The following TRIP11 variants were observed in gnomAD, a reference collection of about 807,000 sequenced individuals.
TRIP11 encodes the protein thyroid receptor-interacting protein 11.
TRIP11 carries 148 observed loss-of-function variants against 223.1 expected under a neutral mutation model. The ratio of observed to expected loss-of-function variants is 0.66; its 90% CI spans 0.58 to 0.76. The LOEUF (loss-of-function observed/expected upper bound fraction) is 0.76. Ranked by LOEUF, TRIP11 falls within the 30% of genes least tolerant of loss-of-function variation. TRIP11 has a pLI of 0.00. For missense variants in TRIP11, 2,043 were observed against 2,222.0 expected (o/e 0.92, Z 1.62); for synonymous variants, 762 against 772.6 (o/e 0.99, Z 0.23).
chr14:92,004,871 T>G lies in TRIP11; in HGVS notation c.3105A>C (p.Leu1035=). 6.2e-7 allele frequency: 1 copy of G among 1,613,856 alleles called. No individual in the cohort carries two copies. Among genetic ancestry groups the G allele is most frequent in the East Asian group, 2.2e-5 (1 of 44,854 alleles). ...IKERELEIKL[L]NEKNISLTKQ... ...TAGTTAAAGATATATTCTTTTCATT[T>G]AGAAGTTTAATCTCCAGTTCTCGCT... Residue 1035 remains leucine, a synonymous_variant, in exon 11 of 21, where the codon CTA becomes CTC. Coordinates refer to ENST00000267622, the MANE Select transcript of TRIP11 (RefSeq NM_004239.4).
chr14:92,033,052 C>A (rs2057286018), intron 2 of TRIP11, 140 bp downstream of exon 2: 1 of 664,618 alleles, frequency 1.5e-6, no homozygotes, highest in South Asian at 1.8e-5. Context: ...TTGATAAAAG[C>A]TCAAAAAACA....
rs1186640309 is a variant in TRIP11 at position 92,011,058 on chromosome 14, A to G, written c.1242T>C (p.Ala414=). The change falls in exon 9 of 21, where the codon GCT becomes GCC. Residue 414 remains alanine (A), a synonymous_variant. Coordinates refer to ENST00000267622, the MANE Select transcript of TRIP11 (RefSeq NM_004239.4). ...GCATTTTAAGTTTCAGATTGTCTTCAGCAAGACTGTTATCCTACAAAAATG... is the reference window on the plus strand; with the variant it reads ...GCATTTTAAGTTTCAGATTGTCTTCGGCAAGACTGTTATCCTACAAAAATG... The part of the protein sequence containing the change: ...LSSLNQDNSL[A]EDNLKLKMRI... The G allele has an allele frequency of 6.2e-7, 1 of 1,614,036 alleles. No homozygotes were observed. The highest frequency in any genetic ancestry group is 8.5e-7 in the Non-Finnish European group (1 of 1,179,958).
rs2056354319 is a variant in TRIP11 at position 91,967,665 on chromosome 14, ATC to A, written c.*2006_*2007del. ...CATACTACTTAAATACCAACCATGC[ATC>A]TCTTTTTCAAATTAAAAGAGAAAAC... On this transcript the variant is annotated 3_prime_UTR_variant, in exon 21 of 21. Coordinates refer to ENST00000267622, the MANE Select transcript of TRIP11 (RefSeq NM_004239.4). 5.1e-6 allele frequency: 1 copy of A among 195,108 alleles called. No individual in the cohort carries two copies. The highest frequency in any genetic ancestry group is 2.3e-5 in the African/African-American group (1 of 43,194). 12.1% of individuals were successfully genotyped at this position (195,108 alleles called of 1,614,324 possible). A position where few individuals can be genotyped will look rare whatever the true frequency, so the allele number is the denominator to read the frequency against.
In TRIP11 at chr14:92,003,906, T is replaced by C. The variant is rs770606192; in HGVS notation, c.4070A>G (p.Gln1357Arg). The change falls in exon 11 of 21, where the codon CAG becomes CGG. Residue 1357 changes from glutamine to arginine, a missense_variant. By Grantham distance (43) the Gln-to-Arg change is conservative. Coordinates refer to ENST00000267622, the MANE Select transcript of TRIP11 (RefSeq NM_004239.4). ...QELEELRKSL[Q>R]EKDATIRTLQ... ...AGTTCTAATTGTTGCATCTTTTTCC[T>C]GTAGTGATTTTCTTAGCTCTTCTAA... 1.2e-6 allele frequency: 2 copies of C among 1,614,010 alleles called. No homozygotes were observed. Among genetic ancestry groups the C allele is most frequent in the East Asian group, 4.5e-5 (2 of 44,896 alleles).
chr14:92,014,905 A>AT (rs34892628), intron 6 of TRIP11, among the ~76,000 whole-genome samples: 58,393 of 142,502 alleles, frequency 0.41, 12,828 homozygotes, highest in African/African-American at 0.58. Context: ...TTTTCACAGA[A>AT]TTTTTTTTTT....
intron 16 of TRIP11, among the ~76,000 whole-genome samples, chr14:91,987,961 C>T (rs779945465): frequency 1.2e-4 from 19 of 152,176 alleles, no homozygotes; most frequent in African/African-American, 1.9e-4. Flanking sequence ...GCAAGATGCA[C>T]GTGAACTGAT....
At chr14:92,001,537 T>C (rs1232457109) in intron 11 of TRIP11, among the ~76,000 whole-genome samples, 3 of 152,196 alleles carry the variant, frequency 2.0e-5, no homozygotes, top group African/African-American at 4.8e-5. Context: ...ATACAGAGTA[T>C]TGGAAGAAAT....
Position 92,004,950 on chromosome 14 carries a change from T to C in TRIP11, c.3026A>G (p.Glu1009Gly). Residue 1009 changes from glutamate to glycine, a missense_variant, in exon 11 of 21, where the codon GAA (glutamate) becomes GGA (glycine). By Grantham distance (98) the Glu-to-Gly change is moderately conservative. Coordinates refer to ENST00000267622, the MANE Select transcript of TRIP11 (RefSeq NM_004239.4). ...VQSLNIENGS[E>G]KHDLSKAETE... ...TTCAGCTTTAGATAAATCATGCTTT[T>C]CACTTCCATTTTCTATATTAAGGCT... The C allele has an allele frequency of 1.9e-6, 3 of 1,613,938 alleles. No homozygotes were observed. The highest frequency in any genetic ancestry group is 2.5e-6 in the Non-Finnish European group (3 of 1,180,008).
intron 9 of TRIP11, 127 bp downstream of exon 9, chr14:92,010,859 T>G: frequency 4.4e-6 from 4 of 903,972 alleles, no homozygotes; most frequent in Non-Finnish European, 7.3e-6. Flanking sequence ...AAAGCATCAG[T>G]GAGATCAGCT....
rs7140626 is a variant in TRIP11 at position 92,020,479 on chromosome 14, T to C, written c.588+1077A>G. ...GTTTATCATATTTTATAATATCAAT[T>C]ACCAGATTTTCATTTTACATGTAAC... is the stretch of plus-strand genomic sequence containing the variant. On this transcript the variant is annotated intron_variant, in intron 4 of 20. Transcript: ENST00000267622. Among the ~76,000 whole-genome samples the C allele has an allele frequency of 7.4e-3, 1,133 of 152,206 alleles. 17 individuals carry two copies. Among genetic ancestry groups the C allele is most frequent in the African/African-American group, 0.026 (1,062 of 41,524 alleles).
At position 92,005,585 on chromosome 14, in the gene TRIP11, T is replaced by C. The variant is rs750316685; in HGVS notation, c.2391A>G (p.Ser797=). Reference sequence around the variant, plus strand: ...ACTGCTTCTGCTCTTCTAAACTAGATGACAAAACGTCCTTAGTTTCTTTAT... The same window carrying C: ...ACTGCTTCTGCTCTTCTAAACTAGACGACAAAACGTCCTTAGTTTCTTTAT... ...TDHKETKDVL[S]SSLEEQKQLT... The change falls in exon 11 of 21, where the codon TCA becomes TCG. Residue 797 remains serine, a synonymous_variant. Coordinates refer to ENST00000267622, the MANE Select transcript of TRIP11 (RefSeq NM_004239.4). The C allele has an allele frequency of 1.2e-5, 19 of 1,613,428 alleles. No individual in the cohort carries two copies. Among genetic ancestry groups the C allele is most frequent in the African/African-American group, 2.7e-5 (2 of 74,936 alleles).
chr14:91,977,347 C>T (rs1033072004), intron 16 of TRIP11: 3 of 375,810 alleles, frequency 8.0e-6, no homozygotes, highest in African/African-American at 6.5e-5. Flanking sequence ...CTATACCTAA[C>T]CCAACACCTG....
chr14:92,004,737 T>C lies in TRIP11; in HGVS notation c.3239A>G (p.His1080Arg). ...TTGAAGGTAAACAACATCTTGAGTA[T>C]GGGAAGTTGAAGAAATTCTAGCATG... is the stretch of plus-strand genomic sequence containing the variant. Reference protein sequence around the residue: ...ALHARISSTSHTQDVVYLQQQ... With the variant: ...ALHARISSTSRTQDVVYLQQQ... Residue 1080 changes from histidine to arginine, a missense_variant, in exon 11 of 21, where the codon CAT becomes CGT. Physicochemically the swap from His to Arg is conservative, Grantham distance 29. Coordinates refer to ENST00000267622, the MANE Select transcript of TRIP11 (RefSeq NM_004239.4). 1 of 1,614,166 alleles carries C rather than the reference T, an allele frequency of 6.2e-7. No homozygotes were observed. The highest frequency in any genetic ancestry group is 8.5e-7 in the Non-Finnish European group (1 of 1,180,014).
chr14:92,030,086 A>G (rs2057244453), intron 2 of TRIP11, among the ~76,000 whole-genome samples: 1 of 150,796 alleles, frequency 6.6e-6, no homozygotes, highest in Non-Finnish European at 1.5e-5. Flanking sequence ...AGTCCCAGCT[A>G]CTTGGGAGGC....
At chr14:92,002,001 T>G (rs146057367) in intron 11 of TRIP11, among the ~76,000 whole-genome samples, 456 of 152,310 alleles carry the variant, frequency 3.0e-3, no homozygotes, top group Non-Finnish European at 5.2e-3. Context: ...CAAATGAAGT[T>G]GAATCACTTT....
chr14:91,986,486 G>A (rs2056605672), intron 16 of TRIP11, among the ~76,000 whole-genome samples: 1 of 152,130 alleles, frequency 6.6e-6, no homozygotes, highest in Admixed American at 6.5e-5. Context: ...GAGCATTTCA[G>A]ACTTTGGATT....
Position 91,999,220 on chromosome 14 carries a change from C to CA in TRIP11, c.4892+19dup, listed in dbSNP as rs1408575179. 23 of 1,610,102 alleles carry CA rather than the reference C, an allele frequency of 1.4e-5. No homozygotes were observed. The highest frequency in any genetic ancestry group is 1.8e-5 in the Non-Finnish European group (21 of 1,179,340). On this transcript the variant is annotated intron_variant, in intron 13 of 20. Coordinates refer to ENST00000267622, the MANE Select transcript of TRIP11 (RefSeq NM_004239.4). ...AAGAAGTGTTCAGTTAAAGTTAATG[C>CA]AAAAAAATGAAAAAATTACCTTGCA... is the stretch of plus-strand genomic sequence containing the variant.
chr14:91,977,248 T>C (rs901674009), intron 16 of TRIP11: 1 of 454,202 alleles, frequency 2.2e-6, no homozygotes, highest in Admixed American at 2.4e-5. Flanking sequence ...CTTGATGATA[T>C]CTTTTGAAAC....
rs759092696 is a variant in TRIP11, at chr14:91,972,819, G to A, written c.5617C>T (p.His1873Tyr). 6 of 1,612,956 alleles carry A rather than the reference G, an allele frequency of 3.7e-6. No homozygotes were observed. Among genetic ancestry groups the A allele is most frequent in the African/African-American group, 1.3e-5 (1 of 74,902 alleles). The change falls in exon 20 of 21, where the codon CAT becomes TAT. Residue 1873 changes from histidine to tyrosine, a missense_variant. By Grantham distance (83) the His-to-Tyr change is moderately conservative. Transcript: ENST00000267622. The part of the protein sequence containing the change: ...LFVKFLETES[H>Y]PSIPPPKLSV... ...AGCTTTGGTGGTGGAATGGATGGAT[G>A]AGATTCTGTTTCTAGAAATTTAACA...
Sources: gnomAD v4.1 joint callset for allele counts (sites outside exome capture counted in the v4.1 genomes callset) on GRCh38, gnomAD v4.1.1 for gene constraint, MANE v1.5 for transcripts, NCBI Gene and HGNC (gene_info 2026-07-23, HGNC 2026-07-21) for gene names.